Variants in CDK7 observed in about 807,000 individuals in gnomAD.
CDK7 encodes cyclin-dependent kinase 7.
A neutral mutation model predicts 49.1 loss-of-function variants in CDK7; 25 were observed. That is an observed-to-expected ratio of 0.51 (90% CI 0.37 to 0.71). The LOEUF is 0.71. Among genes scored for constraint, CDK7 ranks in the 30% least tolerant of loss-of-function variants. The pLI, the probability that CDK7 is intolerant of heterozygous loss-of-function variation, is 0.00. For missense variants in CDK7, 316 were observed against 411.7 expected (o/e 0.77, Z 2.01); for synonymous variants, 107 against 140.0 (o/e 0.76, Z 1.67).
chr5:69,253,208 A>T (rs1750261731), intron 3 of CDK7, among the ~76,000 whole-genome samples: 1 of 152,248 alleles, frequency 6.6e-6, no homozygotes, highest in South Asian at 2.1e-4. Flanking sequence ...ATCATAAAAT[A>T]GCTCTTACAA....
chr5:69,251,132 C>G (rs1317797097), intron 2 of CDK7, among the ~76,000 whole-genome samples: 1 of 150,366 alleles, frequency 6.7e-6, no homozygotes, highest in African/African-American at 2.4e-5. Flanking sequence ...GAGTCTCGCT[C>G]TGTCACCCAG....
At chr5:69,250,096 G>A (rs1439133167) in intron 2 of CDK7, among the ~76,000 whole-genome samples, 1 of 152,228 alleles carries the variant, frequency 6.6e-6, no homozygotes, top group Admixed American at 6.5e-5. Context: ...TTCATTTGGT[G>A]AGGGTATGTT....
chr5:69,241,323 T>G (rs1272792457), intron 2 of CDK7, among the ~76,000 whole-genome samples: 2 of 134,860 alleles, frequency 1.5e-5, no homozygotes. Flanking sequence ...TCTTTTTTTT[T>G]TTTTTTTTTT....
At chr5:69,236,954 CTTTT>C (rs4053029) in intron 2 of CDK7, among the ~76,000 whole-genome samples, 89 of 84,268 alleles carry the variant, frequency 1.1e-3, no homozygotes, top group African/African-American at 4.0e-3. Flanking sequence ...GCCTGGCCTT[CTTTT>C]TTTTTTTTTT....
chr5:69,276,877 G>A (rs1250077462), intron 11 of CDK7, among the ~76,000 whole-genome samples, 187 bp downstream of exon 11: 3 of 152,148 alleles, frequency 2.0e-5, no homozygotes, highest in South Asian at 2.1e-4. Flanking sequence ...TGAATACTTC[G>A]GCAGCTTTTG....
chr5:69,240,121 A>G (rs1749270955), intron 2 of CDK7, among the ~76,000 whole-genome samples: 1 of 152,124 alleles, frequency 6.6e-6, no homozygotes, highest in Admixed American at 6.6e-5. Flanking sequence ...AAGTTCCAGT[A>G]TTGGAACTTG....
At chr5:69,261,566 TG>T (rs1750828781) in intron 7 of CDK7, among the ~76,000 whole-genome samples, 1 of 151,340 alleles carries the variant, frequency 6.6e-6, no homozygotes, top group Non-Finnish European at 1.5e-5. Context: ...AATCTGGCAC[TG>T]TCGCCCAGGC....
chr5:69,250,255 A>G (rs900409182), intron 2 of CDK7, among the ~76,000 whole-genome samples: 5 of 152,146 alleles, frequency 3.3e-5, no homozygotes, highest in African/African-American at 1.2e-4. Context: ...GAGTGTTGCA[A>G]TCTATGTCTT....
intron 5 of CDK7, among the ~76,000 whole-genome samples, chr5:69,256,417 G>A (rs1024053035): frequency 5.9e-5 from 9 of 151,850 alleles, no homozygotes; most frequent in African/African-American, 9.7e-5. Flanking sequence ...ACAGTGGCGC[G>A]ATCTCAACTC....
At chr5:69,277,066 T>C (rs373823744) in intron 11 of CDK7, 41 bp from the exon 12 acceptor site, 46 of 1,547,080 alleles carry the variant, frequency 3.0e-5, no homozygotes, top group Non-Finnish European at 3.9e-5. Context: ...CTTTGTTAAA[T>C]GTGAACAACT....
intron 10 of CDK7, among the ~76,000 whole-genome samples, chr5:69,273,457 A>G (rs944761448): frequency 2.0e-5 from 3 of 152,218 alleles, no homozygotes; most frequent in Admixed American, 6.5e-5. Context: ...TCTTTCCTAT[A>G]TAATGCAATC....
At chr5:69,251,097 CTTT>C (rs34886081) in intron 2 of CDK7, among the ~76,000 whole-genome samples, 1 of 135,824 alleles carries the variant, frequency 7.4e-6, no homozygotes. Context: ...GCCCCGGTAA[CTTT>C]TTTTTTTTTT....
rs540046266 is a variant in CDK7 at position 69,241,546 on chromosome 5, G to A, written c.126+6093G>A. 2.9e-3 allele frequency among the ~76,000 whole-genome samples: 434 copies of A among 151,682 alleles called. 1 individual carries two copies. Among genetic ancestry groups the A allele is most frequent in the South Asian group, 5.2e-3 (25 of 4,808 alleles). ...TCACCTTGTTGGCCAGGCTGGTCTC[G>A]AACTCCTGACCACGTGATCCGCCTG... On this transcript the variant is annotated intron_variant, in intron 2 of 11. Coordinates refer to ENST00000256443, the MANE Select transcript of CDK7 (RefSeq NM_001799.4).
At chr5:69,260,873 G>C (rs564872590) in intron 7 of CDK7, among the ~76,000 whole-genome samples, 1 of 151,916 alleles carries the variant, frequency 6.6e-6, no homozygotes, top group African/African-American at 2.4e-5. Flanking sequence ...GCTGAAGTGC[G>C]GTTGTGCAAA....
Position 69,255,601 on chromosome 5 carries a change from C to T in CDK7, c.297+73C>T, listed in dbSNP as rs769418272. On this transcript the variant is annotated intron_variant, in intron 5 of 11. Transcript: ENST00000256443. The stretch of plus-strand genomic sequence containing the variant: ...CAAGAACCTAAATATTTGTTTTCTA[C>T]CCAAGAAGATACTGGTAGTAAAAGA... 5 of 1,102,788 alleles carry T rather than the reference C, an allele frequency of 4.5e-6. No individual in the cohort carries two copies. In the African/African-American group the frequency reaches 6.1e-5, roughly 14 times the overall value. 68.3% of individuals were successfully genotyped at this position (1,102,788 alleles called of 1,614,324 possible).
intron 2 of CDK7, among the ~76,000 whole-genome samples, chr5:69,240,957 A>G (rs1254118379): frequency 6.6e-6 from 1 of 152,216 alleles, no homozygotes; most frequent in East Asian, 1.9e-4. Context: ...CTCTTTGTGT[A>G]TATGCACCAC....
At chr5:69,272,625 A>G (rs1751682633) in intron 9 of CDK7, among the ~76,000 whole-genome samples, 1 of 151,308 alleles carries the variant, frequency 6.6e-6, no homozygotes, top group African/African-American at 2.4e-5. Context: ...CACCTGTTTC[A>G]TTTTTCTTTT....
chr5:69,237,943 C>T (rs1749113852), intron 2 of CDK7, among the ~76,000 whole-genome samples: 1 of 152,140 alleles, frequency 6.6e-6, no homozygotes, highest in African/African-American at 2.4e-5. Context: ...CAGTTTTAGA[C>T]GTTGTCTATA....
chr5:69,248,790 C>CT (rs61331502), intron 2 of CDK7, among the ~76,000 whole-genome samples: 72 of 110,430 alleles, frequency 6.5e-4, no homozygotes, highest in East Asian at 2.2e-3. Flanking sequence ...ACCTTCTTTT[C>CT]TTTTTTTTTT....
Sources: allele counts gnomAD v4.1 joint callset (sites outside exome capture counted in the v4.1 genomes callset), GRCh38; gene constraint gnomAD v4.1.1; transcripts MANE v1.5; gene names NCBI Gene and HGNC (gene_info 2026-07-23, HGNC 2026-07-21).